EVI5: variants seen among roughly 807,000 people sequenced by gnomAD.
EVI5 encodes the protein ecotropic viral integration site 5.
EVI5 carries 73 observed loss-of-function variants against 112.0 expected under a neutral mutation model. The ratio of observed to expected loss-of-function variants is 0.65; its 90% CI spans 0.54 to 0.79. The LOEUF (loss-of-function observed/expected upper bound fraction) is 0.79, where lower values mean the gene tolerates loss of function less well. Among genes scored for constraint, EVI5 ranks in the 30% least tolerant of loss-of-function variants. EVI5 has a pLI of 0.00. For missense variants in EVI5, 900 were observed against 968.8 expected (o/e 0.93, Z 0.94); for synonymous variants, 305 against 319.9 (o/e 0.95, Z 0.50).
intron 18 of EVI5, among the ~76,000 whole-genome samples, chr1:92,571,121 C>G (rs1448402964): frequency 6.6e-6 from 1 of 150,426 alleles, no homozygotes; most frequent in Non-Finnish European, 1.5e-5. Context: ...AAAACTTTTA[C>G]AAACAAAAAG....
intron 19 of EVI5, among the ~76,000 whole-genome samples, chr1:92,534,855 A>G (rs1663572600): frequency 6.6e-6 from 1 of 152,242 alleles, no homozygotes; most frequent in African/African-American, 2.4e-5. Context: ...TTCAGGACAT[A>G]GGCATGGGCA....
At chr1:92,515,955 A>T (rs912629481) in intron 19 of EVI5, among the ~76,000 whole-genome samples, 1 of 152,220 alleles carries the variant, frequency 6.6e-6, no homozygotes, top group Non-Finnish European at 1.5e-5. Context: ...ATAGTGAGGT[A>T]CAACGTAATT....
chr1:92,747,840 C>T (rs980940), intron 1 of EVI5, among the ~76,000 whole-genome samples: 136,827 of 152,014 alleles, frequency 0.9, 61,699 homozygotes, highest in East Asian at 0.97. Context: ...GGAGAATCTT[C>T]CCTTGCCTCT....
At chr1:92,717,599 T>C (rs1401314580) in intron 2 of EVI5, among the ~76,000 whole-genome samples, 1 of 152,170 alleles carries the variant, frequency 6.6e-6, no homozygotes, top group Admixed American at 6.5e-5. Flanking sequence ...CATGACAAAC[T>C]GTAAAGACCA....
chr1:92,592,677 A>G (rs1267123225), intron 18 of EVI5, among the ~76,000 whole-genome samples: 1 of 152,178 alleles, frequency 6.6e-6, no homozygotes, highest in African/African-American at 2.4e-5. Flanking sequence ...CACTAGCAAG[A>G]CTAATAAAGA....
chr1:92,527,243 T>C (rs922217290), intron 19 of EVI5, among the ~76,000 whole-genome samples: 2 of 151,772 alleles, frequency 1.3e-5, no homozygotes, highest in Non-Finnish European at 2.9e-5. Context: ...GGTGAAATGC[T>C]GTCTTTACTA....
At chr1:92,636,368 T>G in intron 13 of EVI5, 32 bp from the exon 14 acceptor site, 1 of 1,595,254 alleles carries the variant, frequency 6.3e-7, no homozygotes, top group Non-Finnish European at 8.6e-7. Context: ...TGAAATTTCA[T>G]GAAAGTATAA....
chr1:92,753,726 C>T (rs1025431573), intron 1 of EVI5, among the ~76,000 whole-genome samples: 3 of 152,098 alleles, frequency 2.0e-5, no homozygotes, highest in Non-Finnish European at 2.9e-5. Flanking sequence ...CTCAAAATTA[C>T]ACCTAATTTT....
At chr1:92,627,677 C>T (rs6687803) in intron 14 of EVI5, among the ~76,000 whole-genome samples, 140,294 of 152,270 alleles carry the variant, frequency 0.92, 64,719 homozygotes, top group East Asian at 0.97. Context: ...ATTGCATCCA[C>T]GCCAACATCT....
chr1:92,555,870 A>G (rs1217533896), intron 19 of EVI5, among the ~76,000 whole-genome samples: 5 of 149,002 alleles, frequency 3.4e-5, no homozygotes, highest in African/African-American at 1.2e-4. Flanking sequence ...AAAAAAAAGG[A>G]ATAAGCATGA....
At chr1:92,529,572 C>T (rs1438183307) in intron 19 of EVI5, among the ~76,000 whole-genome samples, 1 of 152,090 alleles carries the variant, frequency 6.6e-6, no homozygotes, top group Non-Finnish European at 1.5e-5. Flanking sequence ...CATAATCAGT[C>T]TCAGTTTCAA....
At chr1:92,652,581 C>G (rs1211726877) in intron 13 of EVI5, among the ~76,000 whole-genome samples, 1 of 152,196 alleles carries the variant, frequency 6.6e-6, no homozygotes, top group East Asian at 1.9e-4. Flanking sequence ...GAAGAGGTAT[C>G]TGTACTCCCA....
chr1:92,695,275 C>T (rs1303907865), intron 7 of EVI5, 35 bp downstream of exon 7: 1 of 1,575,112 alleles, frequency 6.3e-7, no homozygotes, highest in Non-Finnish European at 8.6e-7. Context: ...GACCCCTTTG[C>T]TCAGCTCCTG....
At chr1:92,744,571 T>G (rs1394511057) in intron 1 of EVI5, among the ~76,000 whole-genome samples, 1 of 151,600 alleles carries the variant, frequency 6.6e-6, no homozygotes, top group South Asian at 2.1e-4. Context: ...GAAATTAATA[T>G]AATTATGCCA....
At chr1:92,570,908 T>C (rs1670231796) in intron 18 of EVI5, among the ~76,000 whole-genome samples, 1 of 151,996 alleles carries the variant, frequency 6.6e-6, no homozygotes. Flanking sequence ...ACAATAAAGA[T>C]GGATAAAACA....
At chr1:92,614,784 G>C (rs1185995540) in intron 16 of EVI5, among the ~76,000 whole-genome samples, 1 of 144,454 alleles carries the variant, frequency 6.9e-6, no homozygotes. Context: ...ATATATATAT[G>C]AGTTATATAT....
At chr1:92,694,435 C>A in intron 7 of EVI5, 47 bp from the exon 8 acceptor site, 1 of 1,097,458 alleles carries the variant, frequency 9.1e-7, no homozygotes. Context: ...ACTCTTCCAT[C>A]AACAAAAACG....
At chr1:92,622,099 G>A (rs537523404) in intron 16 of EVI5, among the ~76,000 whole-genome samples, 7 of 149,610 alleles carry the variant, frequency 4.7e-5, no homozygotes, top group East Asian at 2.0e-4. Context: ...CAGCCTGGGC[G>A]ACAAAGCAAG....
At chr1:92,517,603 C>T (rs190865237) in intron 19 of EVI5, among the ~76,000 whole-genome samples, 30 of 152,330 alleles carry the variant, frequency 2.0e-4, no homozygotes, top group African/African-American at 7.0e-4. Flanking sequence ...TGCGATCTTT[C>T]CAGTAGTACA....
Sources: allele counts gnomAD v4.1 joint callset (sites outside exome capture counted in the v4.1 genomes callset), GRCh38; gene constraint gnomAD v4.1.1; transcripts MANE v1.5; gene names NCBI Gene and HGNC (gene_info 2026-07-23, HGNC 2026-07-21).